The following ANKIB1 variants were observed in gnomAD, a reference collection of about 807,000 sequenced individuals.
ANKIB1 encodes ankyrin repeat and IBR domain containing 1.
In ANKIB1, 43 loss-of-function variants were observed where a neutral mutation model predicts 122.1. The observed-to-expected ratio is 0.35, with a 90% confidence interval of 0.28 to 0.45. ANKIB1 has a LOEUF of 0.45. ANKIB1 is among the 20% of genes least tolerant of loss of function. The pLI, the probability that ANKIB1 is intolerant of heterozygous loss-of-function variation, is 1.00. For synonymous variants in ANKIB1, 390 were observed against 442.0 expected, an observed-to-expected ratio of 0.88 and a Z score of 1.48; for missense variants, 992 against 1,329.5, an observed-to-expected ratio of 0.75 and a Z score of 3.95.
rs945701630 is a variant in ANKIB1, at chr7:92,401,129, A to G, written c.*2180A>G. ...TTTGTATTTCCTTGGTACATATTTT[A>G]AAAACAACACAGTCATTGACTTTAC... On this transcript the variant is annotated 3_prime_UTR_variant, in exon 20 of 20. Coordinates refer to ENST00000265742, the MANE Select transcript of ANKIB1 (RefSeq NM_019004.2). The G allele has an allele frequency of 7.9e-5, 12 of 152,252 alleles. No homozygotes were observed. The highest frequency in any genetic ancestry group is 1.8e-4 in the Non-Finnish European group (12 of 68,032). 9.4% of individuals were successfully genotyped at this position (152,252 alleles called of 1,614,324 possible).
chr7:92,300,489 C>T (rs1802437874), intron 2 of ANKIB1, among the ~76,000 whole-genome samples: 1 of 151,988 alleles, frequency 6.6e-6, no homozygotes, highest in Non-Finnish European at 1.5e-5. Context: ...ATTCTTTAAT[C>T]ATATATTCTT....
chr7:92,326,810 A>T (rs1803036094), intron 4 of ANKIB1, among the ~76,000 whole-genome samples: 4 of 145,428 alleles, frequency 2.8e-5, no homozygotes, highest in Non-Finnish European at 4.6e-5. Flanking sequence ...ACTTTCCTTT[A>T]AAAAAAAAAA....
At chr7:92,300,734 C>G (rs1385725474) in intron 2 of ANKIB1, among the ~76,000 whole-genome samples, 1 of 151,968 alleles carries the variant, frequency 6.6e-6, no homozygotes, top group African/African-American at 2.4e-5. Flanking sequence ...ACTTTTGTAG[C>G]AAATTTCAAG....
At chr7:92,390,192 GT>G in intron 15 of ANKIB1, 76 bp downstream of exon 15, 1 of 1,130,600 alleles carries the variant, frequency 8.8e-7, no homozygotes, top group Non-Finnish European at 1.2e-6. Flanking sequence ...GAAACCACTT[GT>G]TTTATTTAAT....
At chr7:92,392,834 GTTTTGA>G (rs1438566426) in intron 17 of ANKIB1, among the ~76,000 whole-genome samples, 1 of 151,914 alleles carries the variant, frequency 6.6e-6, no homozygotes, top group East Asian at 1.9e-4. Flanking sequence ...TTAATATACC[GTTTTGA>G]AATACAGAAG....
rs915333265 is a variant in ANKIB1, at chr7:92,273,375, A to G, written c.-90-21514A>G. 2.6e-5 allele frequency among the ~76,000 whole-genome samples: 4 copies of G among 152,222 alleles called. No individual in the cohort carries two copies. In the East Asian group the frequency reaches 7.7e-4, roughly 29 times the overall value. On this transcript the variant is annotated intron_variant, in intron 1 of 19. Coordinates refer to ENST00000265742, the MANE Select transcript of ANKIB1 (RefSeq NM_019004.2). ...GATTCTTTGCATATTCTTGTCTTCCACTTTCAGCTTTGTCCTTTCTGTCTC... is the reference window on the plus strand; with the variant it reads ...GATTCTTTGCATATTCTTGTCTTCCGCTTTCAGCTTTGTCCTTTCTGTCTC...
In ANKIB1 at chr7:92,343,153, G is replaced by T; in HGVS notation, c.917G>T (p.Arg306Ile). ...GCCTGGGACACGCTCCCATCTCCAAGAACTCCAAGGACTACACGCTCTTCT... is the reference window on the plus strand; with the variant it reads ...GCCTGGGACACGCTCCCATCTCCAATAACTCCAAGGACTACACGCTCTTCT... ...YNAWDTLPSP[R>I]TPRTTRSSVT... Residue 306 changes from arginine to isoleucine, a missense_variant, in exon 6 of 20, where the codon AGA (arginine) becomes ATA (isoleucine). Coordinates refer to ENST00000265742, the MANE Select transcript of ANKIB1 (RefSeq NM_019004.2). The T allele has an allele frequency of 1.9e-6, 3 of 1,613,908 alleles. No homozygotes were observed. Among genetic ancestry groups the T allele is most frequent in the South Asian group, 1.1e-5 (1 of 91,070 alleles).
intron 1 of ANKIB1, among the ~76,000 whole-genome samples, chr7:92,262,384 A>G: frequency 6.6e-6 from 1 of 152,336 alleles, no homozygotes; most frequent in Admixed American, 6.5e-5. Flanking sequence ...CCTGTAGGAA[A>G]AAAAGCCTGG....
intron 7 of ANKIB1, among the ~76,000 whole-genome samples, chr7:92,347,209 A>G (rs1177563896): frequency 6.6e-6 from 1 of 152,210 alleles, no homozygotes. Flanking sequence ...CACAGGCTGC[A>G]TGTGGCCCAG....
chr7:92,322,326 ATAT>A (rs1267502768), intron 4 of ANKIB1, among the ~76,000 whole-genome samples: 2 of 152,160 alleles, frequency 1.3e-5, no homozygotes, highest in African/African-American at 2.4e-5. Flanking sequence ...AATATAACTA[ATAT>A]TATGTTAAGA....
rs183682543 is a variant in ANKIB1, at chr7:92,323,159, G to A, written c.669+3647G>A. On this transcript the variant is annotated intron_variant, in intron 4 of 19. Transcript: ENST00000265742. Reference sequence around the variant, plus strand: ...TATGTCTTTAGAAATTGATTTGATGGGCCATAAGATTTTAAACTTTGTCAG... The same window carrying A: ...TATGTCTTTAGAAATTGATTTGATGAGCCATAAGATTTTAAACTTTGTCAG... Among the ~76,000 whole-genome samples, 918 of 152,106 alleles carry A rather than the reference G, an allele frequency of 6.0e-3. 3 individuals carry two copies. The highest frequency in any genetic ancestry group is 0.041 in the Middle Eastern group (12 of 294).
Position 92,246,229 on chromosome 7 carries a change from G to C in ANKIB1, c.-381G>C. 2.6e-6 allele frequency: 1 copy of C among 377,750 alleles called. No homozygotes were observed. Among genetic ancestry groups the C allele is most frequent in the South Asian group, 1.8e-5 (1 of 54,670 alleles). The allele number at this position is 377,750 out of a possible 1,614,324, so 23.4% of individuals were successfully genotyped here. ...CCCCCTCTTCCCCTCCCCCGAGTGA[G>C]GCGGCGCAGCGGCCGGAGAGGGATG... On this transcript the variant is annotated 5_prime_UTR_variant, in exon 1 of 20. Coordinates refer to ENST00000265742, the MANE Select transcript of ANKIB1 (RefSeq NM_019004.2).
chr7:92,361,410 T>C (rs1482038533), intron 9 of ANKIB1, among the ~76,000 whole-genome samples: 2 of 152,226 alleles, frequency 1.3e-5, no homozygotes, highest in Admixed American at 1.3e-4. Flanking sequence ...TTTTCAAACT[T>C]TAAAATGAAG....
intron 1 of ANKIB1, among the ~76,000 whole-genome samples, chr7:92,264,933 A>C (rs1290586978): frequency 6.6e-6 from 1 of 152,218 alleles, no homozygotes; most frequent in African/African-American, 2.4e-5. Flanking sequence ...AGGATTAAAG[A>C]CCAATATATA....
intron 11 of ANKIB1, among the ~76,000 whole-genome samples, chr7:92,381,974 A>T (rs995218183): frequency 6.6e-6 from 1 of 152,182 alleles, no homozygotes; most frequent in South Asian, 2.1e-4. Flanking sequence ...AAGACTTATC[A>T]ATGTGCTGTA....
chr7:92,341,991 C>T (rs1803450031), intron 5 of ANKIB1, among the ~76,000 whole-genome samples: 1 of 151,880 alleles, frequency 6.6e-6, no homozygotes, highest in Admixed American at 6.6e-5. Flanking sequence ...CTTCTATTTT[C>T]ATTGCATGTC....
Position 92,397,864 on chromosome 7 carries a change from C to A in ANKIB1, c.2532+5C>A, listed in dbSNP as rs1007563024. 6.2e-7 allele frequency: 1 copy of A among 1,606,204 alleles called. No individual in the cohort carries two copies. The highest frequency in any genetic ancestry group is 1.1e-5 in the South Asian group (1 of 89,938). Reference sequence around the variant, plus strand: ...GAAAACCAGGACTCTCTTCAGGTAGCCTTTCTGAACAGCCTCATTGCCTGT... The same window carrying A: ...GAAAACCAGGACTCTCTTCAGGTAGACTTTCTGAACAGCCTCATTGCCTGT... On this transcript the variant is annotated splice_donor_5th_base_variant and intron_variant, in intron 19 of 19. Coordinates refer to ENST00000265742, the MANE Select transcript of ANKIB1 (RefSeq NM_019004.2).
rs752190125 is a variant in ANKIB1, at chr7:92,246,423, T to C, written c.-187T>C. On this transcript the variant is annotated 5_prime_UTR_variant, in exon 1 of 20. Transcript: ENST00000265742. ...GGGTGGGTGGGGCGGGCTGGGTACCTGAGGTCACCAGCTCGGCTGTAGAGG... is the reference window on the plus strand; with the variant it reads ...GGGTGGGTGGGGCGGGCTGGGTACCCGAGGTCACCAGCTCGGCTGTAGAGG... 1.9e-6 allele frequency: 1 copy of C among 515,350 alleles called. No homozygotes were observed. Among genetic ancestry groups the C allele is most frequent in the South Asian group, 1.4e-5 (1 of 70,792 alleles). 31.9% of individuals were successfully genotyped at this position (515,350 alleles called of 1,614,324 possible). A position where few individuals can be genotyped will look rare whatever the true frequency, so the allele number is the denominator to read the frequency against.
intron 4 of ANKIB1, among the ~76,000 whole-genome samples, chr7:92,320,543 C>A (rs1416291178): frequency 6.6e-6 from 1 of 152,200 alleles, no homozygotes; most frequent in Non-Finnish European, 1.5e-5. Context: ...CACTGAGTTG[C>A]TCAAGCATAA....
Sources: allele counts gnomAD v4.1 joint callset (sites outside exome capture counted in the v4.1 genomes callset), GRCh38; gene constraint gnomAD v4.1.1; transcripts MANE v1.5; gene names NCBI Gene and HGNC (gene_info 2026-07-23, HGNC 2026-07-21).